Variants in ANKRD28 observed in about 807,000 individuals in gnomAD.
The protein encoded by ANKRD28 is serine/threonine-protein phosphatase 6 regulatory ankyrin repeat subunit A.
Under a neutral mutation model 126.5 loss-of-function variants are expected in ANKRD28, and 44 were observed. That is an observed-to-expected ratio of 0.35 (90% CI 0.27 to 0.45). The LOEUF (loss-of-function observed/expected upper bound fraction) is 0.45. Among genes scored for constraint, ANKRD28 ranks in the 20% least tolerant of loss-of-function variants. The pLI is 1.00. For synonymous variants in ANKRD28, 442 were observed against 468.5 expected, an observed-to-expected ratio of 0.94 and a Z score of 0.73; for missense variants, 1,110 against 1,316.6, an observed-to-expected ratio of 0.84 and a Z score of 2.43.
chr3:15,768,432 A>G (rs2058846749), intron 2 of ANKRD28, among the ~76,000 whole-genome samples: 1 of 152,152 alleles, frequency 6.6e-6, no homozygotes, highest in Non-Finnish European at 1.5e-5. Context: ...GGATCACTTG[A>G]GGCCAGGAGT....
chr3:15,748,590 G>C (rs1443143132), intron 4 of ANKRD28, among the ~76,000 whole-genome samples: 1 of 152,126 alleles, frequency 6.6e-6, no homozygotes, highest in Non-Finnish European at 1.5e-5. Context: ...TCCTTTATAG[G>C]TTACCTGATG....
intron 6 of ANKRD28, among the ~76,000 whole-genome samples, chr3:15,726,202 T>A (rs1050532002): frequency 6.6e-6 from 1 of 152,148 alleles, no homozygotes; most frequent in Non-Finnish European, 1.5e-5. Context: ...TGAAAGACAG[T>A]TGCATACCTC....
At position 15,814,767 on chromosome 3, in the gene ANKRD28, T is replaced by A. The variant is rs527964338; in HGVS notation, c.28-19461A>T. On this transcript the variant is annotated intron_variant, in intron 1 of 27. Transcript: ENST00000399451. This position sits in a 1 kb window ranked among gnomAD's most constrained non-coding sequence, Gnocchi z 4.7. The stretch of plus-strand genomic sequence containing the variant: ...ACTGCCTATGAAAAGTTTAAAATAT[T>A]CAATCTATACGCTTTTTGAATATGT... 2.6e-5 allele frequency among the ~76,000 whole-genome samples: 4 copies of A among 152,092 alleles called. No homozygotes were observed. Among genetic ancestry groups the A allele is most frequent in the Admixed American group, 6.5e-5 (1 of 15,276 alleles).
chr3:15,689,741 T>G, intron 18 of ANKRD28: 1 of 292,226 alleles, frequency 3.4e-6, no homozygotes, highest in Non-Finnish European at 6.3e-6. Context: ...CAACTTTATA[T>G]GAATATTTTT....
intron 2 of ANKRD28, among the ~76,000 whole-genome samples, chr3:15,792,088 T>A (rs1306272193): frequency 6.6e-6 from 1 of 151,680 alleles, no homozygotes; most frequent in Non-Finnish European, 1.5e-5. Flanking sequence ...CAAATGCTGG[T>A]GAGGATGTAA....
At chr3:15,811,705 G>T (rs1575751807) in intron 1 of ANKRD28, among the ~76,000 whole-genome samples, 1 of 151,582 alleles carries the variant, frequency 6.6e-6, no homozygotes, top group East Asian at 2.0e-4. Flanking sequence ...CGCCCACCTT[G>T]GCCTCCCAAA....
chr3:15,670,189 C>G lies in ANKRD28; in HGVS notation c.*81G>C. 1 of 1,455,636 alleles carries G rather than the reference C, an allele frequency of 6.9e-7. No individual in the cohort carries two copies. Among genetic ancestry groups the G allele is most frequent in the South Asian group, 1.4e-5 (1 of 73,832 alleles). 90.2% of individuals were successfully genotyped at this position (1,455,636 alleles called of 1,614,324 possible). A position where few individuals can be genotyped will look rare whatever the true frequency, so the allele number is the denominator to read the frequency against. On this transcript the variant is annotated 3_prime_UTR_variant, in exon 28 of 28. Transcript: ENST00000683139. Reference sequence around the variant, plus strand: ...GGATCTTTCCTCTTAGGTTGAATTTCTACGTGAATATCAAAGTGCCTTTTT... The same window carrying G: ...GGATCTTTCCTCTTAGGTTGAATTTGTACGTGAATATCAAAGTGCCTTTTT...
At chr3:15,828,088 G>GT (rs1049947623) in intron 1 of ANKRD28, among the ~76,000 whole-genome samples, 110 of 152,238 alleles carry the variant, frequency 7.2e-4, no homozygotes, top group African/African-American at 2.6e-3. Flanking sequence ...GATCCTGAAA[G>GT]TTATTTAGAG....
chr3:15,837,762 G>A (rs1213906594), intron 1 of ANKRD28, among the ~76,000 whole-genome samples: 4 of 151,768 alleles, frequency 2.6e-5, no homozygotes, highest in African/African-American at 9.7e-5. Flanking sequence ...AACACAAGTA[G>A]CAGGGGAAAA....
At chr3:15,725,176 T>C (rs1176594780) in intron 6 of ANKRD28, among the ~76,000 whole-genome samples, 2 of 152,206 alleles carry the variant, frequency 1.3e-5, no homozygotes, top group Non-Finnish European at 1.5e-5. Context: ...AACAACTATT[T>C]ACATTGTATT....
chr3:15,726,095 C>T (rs2174171), intron 6 of ANKRD28, among the ~76,000 whole-genome samples: 28,462 of 152,026 alleles, frequency 0.19, 4,176 homozygotes, highest in East Asian at 0.56. Flanking sequence ...CTCCATTCCC[C>T]CATCTATCTC....
chr3:15,849,992 A>G (rs1575820230), intron 1 of ANKRD28, among the ~76,000 whole-genome samples: 1 of 151,770 alleles, frequency 6.6e-6, no homozygotes, highest in Non-Finnish European at 1.5e-5. Context: ...TGTACACTAC[A>G]AACCTACAGT....
intron 3 of ANKRD28, among the ~76,000 whole-genome samples, chr3:15,754,294 T>A (rs1260571396): frequency 6.6e-6 from 1 of 152,222 alleles, no homozygotes; most frequent in African/African-American, 2.4e-5. Flanking sequence ...GTATCTTGCA[T>A]ATGCCATTCA....
intron 1 of ANKRD28, among the ~76,000 whole-genome samples, chr3:15,808,774 TTTAA>T (rs1397566710): frequency 2.0e-5 from 3 of 151,702 alleles, no homozygotes; most frequent in African/African-American, 4.9e-5. Flanking sequence ...TTTGTTTGTT[TTTAA>T]TTGTTTCGAC....
chr3:15,690,625 C>T (rs1024493375), intron 17 of ANKRD28, among the ~76,000 whole-genome samples: 9 of 152,100 alleles, frequency 5.9e-5, no homozygotes, highest in Non-Finnish European at 1.0e-4. Context: ...AGTCCAGTGG[C>T]GTGATCATAG....
intron 14 of ANKRD28, among the ~76,000 whole-genome samples, chr3:15,700,024 G>A (rs892511029): frequency 2.6e-5 from 4 of 152,168 alleles, no homozygotes; most frequent in African/African-American, 7.2e-5. Flanking sequence ...AGAAAATGTG[G>A]CACATATACA....
intron 3 of ANKRD28, among the ~76,000 whole-genome samples, chr3:15,763,966 G>A (rs1453515213): frequency 6.6e-6 from 1 of 152,140 alleles, no homozygotes; most frequent in Non-Finnish European, 1.5e-5. Context: ...CCTCACACTT[G>A]TAATCTCAGC....
chr3:15,817,602 C>T lies in ANKRD28; in HGVS notation c.28-22296G>A, dbSNP rs2060858855. The stretch of plus-strand genomic sequence containing the variant: ...GAATCCTATGAGGAAAACTGGAGGG[C>T]AACCTAGTAAATAAAATTAACTAAG... On this transcript the variant is annotated intron_variant, in intron 1 of 27. Transcript: ENST00000399451. This position sits in a 1 kb window ranked among gnomAD's most constrained non-coding sequence, Gnocchi z 4.5. Among the ~76,000 whole-genome samples, 1 of 152,078 alleles carries T rather than the reference C, an allele frequency of 6.6e-6. No individual in the cohort carries two copies. Among genetic ancestry groups the T allele is most frequent in the Non-Finnish European group, 1.5e-5 (1 of 68,008 alleles).
chr3:15,774,017 T>C (rs974168252), intron 2 of ANKRD28, among the ~76,000 whole-genome samples: 4 of 152,126 alleles, frequency 2.6e-5, no homozygotes, highest in Non-Finnish European at 2.9e-5. Flanking sequence ...ACAAATATGA[T>C]TGATTTTTGA....
Sources: gnomAD v4.1 joint callset for allele counts (sites outside exome capture counted in the v4.1 genomes callset) on GRCh38, gnomAD v4.1.1 for gene constraint, Gnocchi (gnomAD v3.1) non-coding constraint, MANE v1.5 for transcripts, NCBI Gene and HGNC (gene_info 2026-07-23, HGNC 2026-07-21) for gene names.